The following RPGRIP1L variants were observed in gnomAD, a reference collection of about 807,000 sequenced individuals.
RPGRIP1L encodes RPGRIP1 like, also known as protein fantom.
In RPGRIP1L, 131 loss-of-function variants were observed where a neutral mutation model predicts 160.4. The ratio of observed to expected loss-of-function variants is 0.82; its 90% CI spans 0.71 to 0.94. The LOEUF (loss-of-function observed/expected upper bound fraction) is 0.94, where lower values mean the gene tolerates loss of function less well. RPGRIP1L is among the 40% of genes least tolerant of loss of function. The probability of loss-of-function intolerance (pLI) is 0.00; values close to 1 mark genes in which losing one functional copy is unlikely to be tolerated. For synonymous variants in RPGRIP1L, 510 were observed against 515.8 expected (o/e 0.99, Z 0.15); for missense variants, 1,522 against 1,535.8 (o/e 0.99, Z 0.15).
chr16:53,703,352 AC>A (rs1426103071), intron 1 of RPGRIP1L: 1 of 152,136 alleles, frequency 6.6e-6, no homozygotes. Context: ...GGCAAGCAAA[AC>A]CCCCGCCTTT....
intron 3 of RPGRIP1L, chr16:53,695,559 A>AT (rs1970692843): frequency 3.3e-6 from 2 of 614,302 alleles, no homozygotes; most frequent in Non-Finnish European, 5.8e-6. Flanking sequence ...GCATTTCTGA[A>AT]TAAAAAAGAA....
intron 23 of RPGRIP1L, 66 bp from the exon 24 acceptor site, chr16:53,619,274 T>A: frequency 7.1e-7 from 1 of 1,407,948 alleles, no homozygotes; most frequent in Middle Eastern, 2.4e-4. Context: ...GATCCACTAT[T>A]ACTTTCCACT....
chr16:53,681,958 C>G (rs1969642989), intron 6 of RPGRIP1L, among the ~76,000 whole-genome samples: 1 of 152,112 alleles, frequency 6.6e-6, no homozygotes, highest in Non-Finnish European at 1.5e-5. Flanking sequence ...TGTGATTTTT[C>G]TCTACAGTAA....
At chr16:53,638,834 T>C (rs1200702139) in intron 19 of RPGRIP1L, among the ~76,000 whole-genome samples, 1 of 151,860 alleles carries the variant, frequency 6.6e-6, no homozygotes, top group Non-Finnish European at 1.5e-5. Context: ...ACTATATATA[T>C]AGTTGTATTA....
At chr16:53,660,909 A>T (rs1252893132) in intron 10 of RPGRIP1L, among the ~76,000 whole-genome samples, 2 of 150,310 alleles carry the variant, frequency 1.3e-5, no homozygotes, top group Non-Finnish European at 3.0e-5. Context: ...AAAAAAAAAA[A>T]TCAAATATAC....
chr16:53,621,857 A>G (rs547255119), intron 23 of RPGRIP1L, among the ~76,000 whole-genome samples: 3 of 148,110 alleles, frequency 2.0e-5, no homozygotes, highest in Non-Finnish European at 4.5e-5. Flanking sequence ...CCCCGTCTCT[A>G]CTAAAAATAC....
intron 15 of RPGRIP1L, among the ~76,000 whole-genome samples, chr16:53,650,392 T>C (rs1966843529): frequency 6.6e-6 from 1 of 152,156 alleles, no homozygotes; most frequent in African/African-American, 2.4e-5. Context: ...CCTAAAAGAA[T>C]AATATTAATG....
At chr16:53,606,517 A>G (rs538469628) in intron 25 of RPGRIP1L, among the ~76,000 whole-genome samples, 1 of 152,316 alleles carries the variant, frequency 6.6e-6, no homozygotes, top group African/African-American at 2.4e-5. Context: ...TTATAGGTAA[A>G]CATGACAATA....
rs1966215814 is a variant in RPGRIP1L at position 53,641,433 on chromosome 16, G to C, written c.2726C>G (p.Thr909Ser). ...LTDHQKHPAG[T>S]IHVILKWKFA... is the part of the protein sequence containing the mutation. ...TTTCCATTTCAATATAACATGGATG[G>C]TGCCAGCAGGATGCTTTTGATGGTC... Residue 909 changes from threonine (T) to serine (S), a missense_variant, in exon 18 of 27, where the codon ACC (threonine) becomes AGC (serine). Transcript: ENST00000647211. 1 of 1,613,908 alleles carries C rather than the reference G, an allele frequency of 6.2e-7. No individual in the cohort carries two copies. Among genetic ancestry groups the C allele is most frequent in the Non-Finnish European group, 8.5e-7 (1 of 1,179,884 alleles).
intron 22 of RPGRIP1L, among the ~76,000 whole-genome samples, chr16:53,622,783 TAAAAC>T (rs1275546264): frequency 1.5e-5 from 2 of 132,828 alleles, no homozygotes; most frequent in Non-Finnish European, 3.1e-5. Context: ...CTCCAAAAAA[TAAAAC>T]AAAACAAAAA....
intron 3 of RPGRIP1L, chr16:53,695,253 A>G: frequency 1.5e-6 from 1 of 681,930 alleles, no homozygotes; most frequent in Non-Finnish European, 2.7e-6. Flanking sequence ...TCAGAAAAGG[A>G]ATCAGGCAAG....
intron 22 of RPGRIP1L, among the ~76,000 whole-genome samples, chr16:53,625,895 A>G (rs965988876): frequency 3.9e-5 from 6 of 152,030 alleles, no homozygotes; most frequent in Non-Finnish European, 5.9e-5. Context: ...GGTTAAATGG[A>G]TTAAGGGCGG....
intron 9 of RPGRIP1L, among the ~76,000 whole-genome samples, chr16:53,671,178 A>G (rs1968687558): frequency 6.6e-6 from 1 of 152,084 alleles, no homozygotes; most frequent in African/African-American, 2.4e-5. Context: ...TGTAATACAT[A>G]CATTTCAGGG....
chr16:53,621,759 A>C (rs1381140980), intron 23 of RPGRIP1L, among the ~76,000 whole-genome samples: 2 of 152,152 alleles, frequency 1.3e-5, no homozygotes, highest in African/African-American at 4.8e-5. Context: ...GCAGTGGCTC[A>C]CGCCTGTAAT....
intron 1 of RPGRIP1L, 105 bp from the exon 2 acceptor site, chr16:53,700,835 C>A (rs754904748): frequency 3.7e-6 from 3 of 806,244 alleles, no homozygotes; most frequent in Non-Finnish European, 4.3e-6. Flanking sequence ...CTTTAATGGG[C>A]ATCTTATTGT....
chr16:53,602,044 A>T lies in RPGRIP1L; in HGVS notation c.*32T>A, dbSNP rs1317049162. 2 of 1,219,464 alleles carry T rather than the reference A, an allele frequency of 1.6e-6. No individual in the cohort carries two copies. Among genetic ancestry groups the T allele is most frequent in the Non-Finnish European group, 2.4e-6 (2 of 823,698 alleles). The allele number at this position is 1,219,464 out of a possible 1,614,324, so 75.5% of individuals were successfully genotyped here. A position where few individuals can be genotyped will look rare whatever the true frequency, so the allele number is the denominator to read the frequency against. On this transcript the variant is annotated 3_prime_UTR_variant, in exon 27 of 27. Coordinates refer to ENST00000647211, the MANE Select transcript of RPGRIP1L (RefSeq NM_015272.5). ...GGAACTTTCATGTGAGCATTTACTG[A>T]GGAGTAGGAGATGCCTCTGGAGCAT...
chr16:53,685,486 T>C (rs116362917), intron 6 of RPGRIP1L, among the ~76,000 whole-genome samples: 2,849 of 152,254 alleles, frequency 0.019, 92 homozygotes, highest in African/African-American at 0.065. Context: ...TAGATAAAGA[T>C]AATGTGGTAC....
intron 25 of RPGRIP1L, among the ~76,000 whole-genome samples, chr16:53,609,704 CCCT>C (rs1356474293): frequency 2.6e-5 from 4 of 152,024 alleles, no homozygotes; most frequent in African/African-American, 9.7e-5. Flanking sequence ...GCTGTTTATT[CCCT>C]CGTCACTCAT....
At chr16:53,673,474 T>C (rs1402098464) in intron 7 of RPGRIP1L, among the ~76,000 whole-genome samples, 2 of 151,616 alleles carry the variant, frequency 1.3e-5, no homozygotes, top group East Asian at 3.8e-4. Flanking sequence ...TTAATTTGCA[T>C]ACAATTAAGT....
Sources: allele counts gnomAD v4.1 joint callset (sites outside exome capture counted in the v4.1 genomes callset), GRCh38; gene constraint gnomAD v4.1.1; transcripts MANE v1.5; gene names NCBI Gene and HGNC (gene_info 2026-07-23, HGNC 2026-07-21).